DAB1: variants seen among roughly 807,000 people sequenced by gnomAD.
DAB1 encodes disabled homolog 1.
A neutral mutation model predicts 64.6 loss-of-function variants in DAB1; 15 were observed. The ratio of observed to expected loss-of-function variants is 0.23; its 90% confidence interval spans 0.16 to 0.36. DAB1 has a LOEUF of 0.36. Ranked by LOEUF, DAB1 falls within the 10% of genes least tolerant of loss-of-function variation. DAB1 has a pLI of 1.00. For missense variants in DAB1, 596 were observed against 706.7 expected (o/e 0.84, Z 1.78); for synonymous variants, 235 against 251.9 (o/e 0.93, Z 0.64).
rs141647150 is a variant in DAB1, at chr1:57,010,704, G to A, written c.1659C>T (p.Ala553=). ...EPSGDNISPQ[A]GS is the part of the protein sequence containing the mutation. ...CCCAGACCTGCGCTATCTAGCTACC[G>A]GCCTGTGGACTTATATTATCACCAC... Residue 553 remains alanine, a synonymous_variant, in exon 14 of 15, where the codon GCC becomes GCT. Coordinates refer to ENST00000371236, the MANE Select transcript of DAB1 (RefSeq NM_001365792.1). 8,694 of 1,573,906 alleles carry A rather than the reference G, an allele frequency of 5.5e-3. 43 individuals are homozygous for A. Among genetic ancestry groups the A allele is most frequent in the Middle Eastern group, 7.7e-3 (45 of 5,864 alleles).
chr1:57,928,075 T>G (rs1644904732), intron 5 of DAB1, among the ~76,000 whole-genome samples: 1 of 152,204 alleles, frequency 6.6e-6, no homozygotes, highest in African/African-American at 2.4e-5. Context: ...TCTTTTCTTT[T>G]GAGGTAAAAG....
At chr1:57,391,395 T>A (rs779948400) in intron 1 of DAB1, among the ~76,000 whole-genome samples, 5 of 152,122 alleles carry the variant, frequency 3.3e-5, no homozygotes, top group Non-Finnish European at 7.3e-5. Flanking sequence ...ATAGAATCCA[T>A]GAAACATAAA....
chr1:58,243,190 T>C (rs753400685), intron 4 of DAB1, among the ~76,000 whole-genome samples: 28 of 151,934 alleles, frequency 1.8e-4, no homozygotes, highest in Non-Finnish European at 8.8e-5. Flanking sequence ...TGTAAATATT[T>C]GCTTGGAGAA....
intron 7 of DAB1, among the ~76,000 whole-genome samples, chr1:57,516,657 A>G (rs896551781): frequency 5.9e-5 from 9 of 152,328 alleles, no homozygotes; most frequent in Non-Finnish European, 1.0e-4. Context: ...CAAGTCCCTC[A>G]TGGAGTCCTT....
chr1:58,500,376 C>T (rs1292018270), intron 3 of DAB1, among the ~76,000 whole-genome samples: 1 of 152,156 alleles, frequency 6.6e-6, no homozygotes, highest in East Asian at 1.9e-4. Context: ...CGACATTTCA[C>T]TTCAATGTTA....
intron 5 of DAB1, among the ~76,000 whole-genome samples, chr1:58,051,758 T>C (rs577321380): frequency 6.6e-6 from 1 of 152,342 alleles, no homozygotes; most frequent in African/African-American, 2.4e-5. Context: ...CATGAGATGG[T>C]ATCTCATTGT....
intron 5 of DAB1, among the ~76,000 whole-genome samples, chr1:58,122,549 G>A (rs1294589159): frequency 6.6e-6 from 1 of 152,012 alleles, no homozygotes; most frequent in East Asian, 1.9e-4. Flanking sequence ...ATTGGTATTA[G>A]GAGTTAGCCA....
At chr1:58,031,983 T>G (rs1450558898) in intron 5 of DAB1, among the ~76,000 whole-genome samples, 1 of 147,064 alleles carries the variant, frequency 6.8e-6, no homozygotes, top group African/African-American at 2.6e-5. Flanking sequence ...CAAGTACTGA[T>G]AGAAACGTGT....
chr1:58,325,601 A>G (rs1166477097), intron 4 of DAB1, among the ~76,000 whole-genome samples: 1 of 152,194 alleles, frequency 6.6e-6, no homozygotes, highest in Non-Finnish European at 1.5e-5. Flanking sequence ...AAATTTCTTA[A>G]CTTCTTAGGG....
intron 4 of DAB1, among the ~76,000 whole-genome samples, chr1:57,126,985 A>T (rs149865055): frequency 6.6e-6 from 1 of 152,118 alleles, no homozygotes; most frequent in East Asian, 1.9e-4. Context: ...TTGCTTCTCC[A>T]CCTCTGGCCA....
chr1:58,136,172 C>G (rs1458568813), intron 5 of DAB1, among the ~76,000 whole-genome samples: 1 of 152,150 alleles, frequency 6.6e-6, no homozygotes, highest in Non-Finnish European at 1.5e-5. Context: ...ACTAAAGGTC[C>G]CCTGTTAATA....
At chr1:57,895,983 T>C (rs1644386154) in intron 5 of DAB1, among the ~76,000 whole-genome samples, 1 of 152,104 alleles carries the variant, frequency 6.6e-6, no homozygotes, top group South Asian at 2.1e-4. Flanking sequence ...CCCCAAAACC[T>C]GGTGAATGTG....
chr1:58,077,146 T>C (rs1570320754), intron 5 of DAB1, among the ~76,000 whole-genome samples: 1 of 151,940 alleles, frequency 6.6e-6, no homozygotes, highest in Non-Finnish European at 1.5e-5. Flanking sequence ...AAAAAAACAA[T>C]AACAATGATA....
chr1:57,820,487 T>C (rs1191721445), intron 6 of DAB1, among the ~76,000 whole-genome samples: 2 of 152,208 alleles, frequency 1.3e-5, no homozygotes, highest in Non-Finnish European at 1.5e-5. Flanking sequence ...TTTTACATCA[T>C]AGCTATTTCG....
chr1:57,154,807 C>A (rs1403171959), intron 2 of DAB1, among the ~76,000 whole-genome samples: 1 of 152,164 alleles, frequency 6.6e-6, no homozygotes, highest in Non-Finnish European at 1.5e-5. Context: ...ACATTGAGCA[C>A]CTTTTCATAT....
chr1:57,661,117 G>A (rs574626687), intron 6 of DAB1, among the ~76,000 whole-genome samples: 3 of 151,834 alleles, frequency 2.0e-5, no homozygotes, highest in South Asian at 4.2e-4. Flanking sequence ...TTCTGGCCTT[G>A]GATAGTCTGG....
intron 4 of DAB1, among the ~76,000 whole-genome samples, chr1:57,129,251 T>C (rs765276233): frequency 2.0e-5 from 3 of 152,182 alleles, no homozygotes; most frequent in Non-Finnish European, 4.4e-5. Context: ...GACTTGGTCC[T>C]GTAAATTATC....
At position 58,366,358 on chromosome 1, in the gene DAB1, A is replaced by G. The variant is rs899786415; in HGVS notation, n.258-22955T>C. On this transcript the variant is annotated intron_variant and non_coding_transcript_variant, in intron 3 of 20. Coordinates refer to the DAB1 transcript ENST00000485760. ...CAGATGCAGGACAGGGCCAGTGACT[A>G]AGGGATCCACTAGTTATATCACATA... is the stretch of plus-strand genomic sequence containing the variant. Among the ~76,000 whole-genome samples, 7 of 152,342 alleles carry G rather than the reference A, an allele frequency of 4.6e-5. No individual in the cohort carries two copies. The East Asian group carries it at 1.2e-3, about 25-fold the overall frequency.
Position 58,331,853 on chromosome 1 carries a change from G to A in DAB1, n.309+11499C>T, listed in dbSNP as rs562564091. On this transcript the variant is annotated intron_variant and non_coding_transcript_variant, in intron 4 of 20. Coordinates refer to the DAB1 transcript ENST00000485760. Reference sequence around the variant, plus strand: ...GTGACTTGCTTTGTTGCAGTGGTCTGAAACCGAACTCCAACATCTCCAAGG... The same window carrying A: ...GTGACTTGCTTTGTTGCAGTGGTCTAAAACCGAACTCCAACATCTCCAAGG... Among the ~76,000 whole-genome samples, 71 of 152,296 alleles carry A rather than the reference G, an allele frequency of 4.7e-4. 1 individual carries two copies. The highest frequency in any genetic ancestry group is 1.7e-3 in the African/African-American group (70 of 41,564).
Sources: gnomAD v4.1 joint callset for allele counts (sites outside exome capture counted in the v4.1 genomes callset) on GRCh38, gnomAD v4.1.1 for gene constraint, MANE v1.5 for transcripts, NCBI Gene and HGNC (gene_info 2026-07-23, HGNC 2026-07-21) for gene names.